PYHIN1: variants seen among roughly 807,000 people sequenced by gnomAD.
PYHIN1 encodes the protein pyrin and HIN domain family member 1.
A neutral mutation model predicts 43.7 loss-of-function variants in PYHIN1; 32 were observed. The observed-to-expected ratio is 0.73, with a 90% CI of 0.55 to 0.98. The LOEUF (loss-of-function observed/expected upper bound fraction) is 0.98, where lower values mean the gene tolerates loss of function less well. Among genes scored for constraint, PYHIN1 ranks in the 50% least tolerant of loss-of-function variants. The pLI, the probability that PYHIN1 is intolerant of heterozygous loss-of-function variation, is 0.00. For synonymous variants in PYHIN1, 205 were observed against 203.1 expected (o/e 1.01, Z -0.08); for missense variants, 588 against 589.5 (o/e 1.00, Z 0.03).
intron 7 of PYHIN1, among the ~76,000 whole-genome samples, chr1:158,951,335 T>G (rs1649520081): frequency 6.6e-6 from 1 of 152,016 alleles, no homozygotes; most frequent in Admixed American, 6.5e-5. Context: ...AAATAGGATG[T>G]GTACGTTGAT....
chr1:158,962,240 A>G lies in PYHIN1; in HGVS notation c.1360-11407A>G, dbSNP rs148542902. ...TCACTGGGCAGGACCTCCTGACTTCAGACTCCAGTTACTCCCTACCTGGGC... is the reference window on the plus strand; with the variant it reads ...TCACTGGGCAGGACCTCCTGACTTCGGACTCCAGTTACTCCCTACCTGGGC... On this transcript the variant is annotated intron_variant, in intron 7 of 8. Transcript: ENST00000368140. 3.6e-3 allele frequency among the ~76,000 whole-genome samples: 553 copies of G among 152,146 alleles called. 3 individuals carry two copies. Among genetic ancestry groups the G allele is most frequent in the Non-Finnish European group, 6.2e-3 (424 of 67,976 alleles).
At chr1:158,967,377 A>G (rs1650685359) in intron 7 of PYHIN1, among the ~76,000 whole-genome samples, 2 of 152,068 alleles carry the variant, frequency 1.3e-5, no homozygotes, top group South Asian at 4.2e-4. Flanking sequence ...AGGCAATCAC[A>G]GAGAGGCTAA....
intron 4 of PYHIN1, chr1:158,940,083 G>A (rs1221627038): frequency 6.5e-6 from 1 of 152,810 alleles, no homozygotes; most frequent in Non-Finnish European, 1.5e-5. Flanking sequence ...AAAATTAGCT[G>A]GGTATGGTGG....
intron 7 of PYHIN1, among the ~76,000 whole-genome samples, chr1:158,953,788 T>C (rs902021427): frequency 5.9e-5 from 9 of 152,178 alleles, no homozygotes; most frequent in Admixed American, 3.3e-4. Flanking sequence ...AGGCTTCAGA[T>C]GATCAAATTA....
downstream of PYHIN1, among the ~76,000 whole-genome samples, chr1:158,977,480 C>T (rs558411535): frequency 6.6e-6 from 1 of 152,268 alleles, no homozygotes; most frequent in East Asian, 1.9e-4. Context: ...GCACCAACAG[C>T]TCCTCAGGAG....
chr1:158,932,859 T>C (rs1037442202), intron 1 of PYHIN1, among the ~76,000 whole-genome samples: 1 of 152,168 alleles, frequency 6.6e-6, no homozygotes, highest in East Asian at 1.9e-4. Context: ...GGGAGAGGCA[T>C]GGAAGTCAAT....
At chr1:158,943,652 A>G (rs1649053548) in intron 5 of PYHIN1, 138 bp from the exon 6 acceptor site, 1 of 533,824 alleles carries the variant, frequency 1.9e-6, no homozygotes, top group East Asian at 2.8e-5. Flanking sequence ...GGTCTAGACT[A>G]AGGCATATGT....
chr1:158,933,756 T>C lies in PYHIN1; in HGVS notation c.-21+1980T>C, dbSNP rs1426045795. Among the ~76,000 whole-genome samples, 11 of 152,142 alleles carry C rather than the reference T, an allele frequency of 7.2e-5. No individual in the cohort carries two copies. Among genetic ancestry groups the C allele is most frequent in the Non-Finnish European group, 1.5e-5 (1 of 67,966 alleles). On this transcript the variant is annotated intron_variant, in intron 1 of 8. Transcript: ENST00000368140. This position sits in a 1 kb window ranked among gnomAD's most constrained non-coding sequence, Gnocchi z 6.3. Reference sequence around the variant, plus strand: ...AGACAATTACATTAGTAAACTCATATTCTTTTTCTTCCCTCCCTCCACCAT... The same window carrying C: ...AGACAATTACATTAGTAAACTCATACTCTTTTTCTTCCCTCCCTCCACCAT...
chr1:158,957,627 C>A (rs1102011), intron 7 of PYHIN1, among the ~76,000 whole-genome samples: 2 of 137,800 alleles, frequency 1.5e-5, no homozygotes. Context: ...AAGACTTAAA[C>A]GTTAGACCTA....
downstream of PYHIN1, among the ~76,000 whole-genome samples, chr1:158,977,777 T>A (rs935702830): frequency 6.6e-6 from 1 of 152,144 alleles, no homozygotes; most frequent in Non-Finnish European, 1.5e-5. Flanking sequence ...GCAAATTTAC[T>A]TTCGAAGTGA....
chr1:158,955,036 C>A (rs1287774948), intron 7 of PYHIN1, among the ~76,000 whole-genome samples: 1 of 152,056 alleles, frequency 6.6e-6, no homozygotes, highest in Admixed American at 6.5e-5. Context: ...GGGATCAATT[C>A]AACAAGAAGA....
intron 7 of PYHIN1, among the ~76,000 whole-genome samples, chr1:158,966,188 T>C (rs1404264341): frequency 6.6e-6 from 1 of 152,056 alleles, no homozygotes; most frequent in East Asian, 1.9e-4. Context: ...GGAAACTGAA[T>C]AACTGAATAG....
the PYHIN1 span, among the ~76,000 whole-genome samples, chr1:158,985,705 A>G: frequency 6.6e-6 from 1 of 152,150 alleles, no homozygotes; most frequent in African/African-American, 2.4e-5. Flanking sequence ...CCTCTCTAGC[A>G]AGGTCAGGTA....
chr1:158,939,855 T>C, intron 4 of PYHIN1: 1 of 282,424 alleles, frequency 3.5e-6, no homozygotes, highest in Non-Finnish European at 6.6e-6. Flanking sequence ...GGCTAGTTTG[T>C]AATTCTGTGG....
At position 158,938,489 on chromosome 1, in the gene PYHIN1, A is replaced by G. The variant is rs766178626; in HGVS notation, c.358A>G (p.Thr120Ala). 3 of 1,614,186 alleles carry G rather than the reference A, an allele frequency of 1.9e-6. No individual in the cohort carries two copies. Among genetic ancestry groups the G allele is most frequent in the Non-Finnish European group, 2.5e-6 (3 of 1,180,028 alleles). ...AGTGTATCCTGCTACACCTGCATGCACCCCAAGCAACCGTCTCACAGCTAA... is the reference window on the plus strand; with the variant it reads ...AGTGTATCCTGCTACACCTGCATGCGCCCCAAGCAACCGTCTCACAGCTAA... ...KEVYPATPAC[T>A]PSNRLTAKGA... The change falls in exon 3 of 9, where the codon ACC becomes GCC. Residue 120 changes from threonine (T) to alanine (A), a missense_variant. Coordinates refer to ENST00000368140, the MANE Select transcript of PYHIN1 (RefSeq NM_152501.5).
chr1:158,947,679 A>G (rs1649297977), intron 7 of PYHIN1, among the ~76,000 whole-genome samples: 1 of 152,252 alleles, frequency 6.6e-6, no homozygotes, highest in Non-Finnish European at 1.5e-5. Flanking sequence ...AAGGTGCTGT[A>G]AAGAGTAGCA....
chr1:158,946,920 C>T (rs1557830056), intron 7 of PYHIN1, among the ~76,000 whole-genome samples: 1 of 152,278 alleles, frequency 6.6e-6, no homozygotes, highest in East Asian at 1.9e-4. Flanking sequence ...AAACTCCTGA[C>T]CTCAATCTCC....
At chr1:158,985,444 G>A in the PYHIN1 span, among the ~76,000 whole-genome samples, 1 of 152,136 alleles carries the variant, frequency 6.6e-6, no homozygotes, top group Admixed American at 6.6e-5. Flanking sequence ...ATCATGGTTA[G>A]AATTTCTTTT....
chr1:158,983,930 A>G, the PYHIN1 span, among the ~76,000 whole-genome samples: 1 of 126,178 alleles, frequency 7.9e-6, no homozygotes, highest in Admixed American at 8.9e-5. Context: ...CAGCATAGAA[A>G]TTGTTCATAA....
Sources: gnomAD v4.1 joint callset for allele counts (sites outside exome capture counted in the v4.1 genomes callset) on GRCh38, gnomAD v4.1.1 for gene constraint, Gnocchi (gnomAD v3.1) non-coding constraint, MANE v1.5 for transcripts, NCBI Gene and HGNC (gene_info 2026-07-23, HGNC 2026-07-21) for gene names.